Variants in SMARCA5 observed in about 807,000 individuals in gnomAD.
SMARCA5 encodes SNF2 related chromatin remodeling ATPase 5.
SMARCA5 carries 18 observed loss-of-function variants against 140.4 expected under a neutral mutation model. The observed-to-expected ratio is 0.13, with a 90% CI of 0.09 to 0.19. The LOEUF is 0.19. SMARCA5 is among the 10% of genes least tolerant of loss of function. The pLI, the probability that SMARCA5 is intolerant of heterozygous loss-of-function variation, is 1.00. For missense variants in SMARCA5, 606 were observed against 1,276.8 expected (o/e 0.47, Z 8.01); for synonymous variants, 449 against 419.6 (o/e 1.07, Z -0.86).
intron 1 of SMARCA5, among the ~76,000 whole-genome samples, chr4:143,515,210 T>G (rs527596230): frequency 6.6e-6 from 1 of 152,320 alleles, no homozygotes; most frequent in South Asian, 2.1e-4. Flanking sequence ...CCATTGAGGC[T>G]TTTGGCACAG....
chr4:143,528,500 T>C, intron 7 of SMARCA5, 83 bp from the exon 8 acceptor site: 1 of 1,209,748 alleles, frequency 8.3e-7, no homozygotes, highest in Non-Finnish European at 1.2e-6. Context: ...TGTTGGGCAT[T>C]TGTGTTGGTT....
chr4:143,514,169 G>C, intron 1 of SMARCA5, 68 bp downstream of exon 1: 1 of 1,382,946 alleles, frequency 7.2e-7, no homozygotes, highest in South Asian at 1.5e-5. Context: ...TCGCCGGATC[G>C]TGGCGATCGG....
At chr4:143,549,538 T>G (rs989987620) in intron 22 of SMARCA5, among the ~76,000 whole-genome samples, 2 of 152,072 alleles carry the variant, frequency 1.3e-5, no homozygotes, top group Non-Finnish European at 2.9e-5. Flanking sequence ...TTGGGAAAGG[T>G]GCCATGTGAT....
At chr4:143,536,728 T>C in intron 11 of SMARCA5, 50 bp downstream of exon 11, 1 of 1,317,898 alleles carries the variant, frequency 7.6e-7, no homozygotes, top group Non-Finnish European at 1.1e-6. Flanking sequence ...AATGCTCATG[T>C]TAAAACAAAG....
intron 1 of SMARCA5, among the ~76,000 whole-genome samples, chr4:143,514,800 A>G (rs1396099544): frequency 6.6e-6 from 1 of 152,162 alleles, no homozygotes; most frequent in East Asian, 1.9e-4. Context: ...TGTAGGAATG[A>G]ATTAGAGAAC....
At chr4:143,539,538 T>A (rs1737386230) in intron 13 of SMARCA5, among the ~76,000 whole-genome samples, 1 of 34 alleles carries the variant, frequency 0.029, no homozygotes, top group Non-Finnish European at 0.12. Context: ...AGTCACTTTC[T>A]TTTTTTTTTT....
In SMARCA5 at chr4:143,517,411, T is replaced by C. The variant is rs1323268572; in HGVS notation, c.234T>C (p.Pro78=). 6.2e-7 allele frequency: 1 copy of C among 1,609,138 alleles called. No individual in the cohort carries two copies. The highest frequency in any genetic ancestry group is 8.5e-7 in the Non-Finnish European group (1 of 1,177,180). The part of the protein sequence containing the change: ...GKQKEIQEPD[P]TYEEKMQTDR... ...AAAAGGAAATCCAAGAACCAGATCC[T>C]ACCTATGAAGAAAAAATGGTATGTT... Residue 78 remains proline, a synonymous_variant, in exon 2 of 24, where the codon CCT becomes CCC. Coordinates refer to ENST00000283131, the MANE Select transcript of SMARCA5 (RefSeq NM_003601.4).
intron 23 of SMARCA5, among the ~76,000 whole-genome samples, chr4:143,552,858 T>C (rs758489608): frequency 1.1e-4 from 17 of 152,042 alleles, no homozygotes; most frequent in Non-Finnish European, 1.8e-4. Context: ...TTATTTGATA[T>C]TGATCTACTA....
chr4:143,544,727 C>A lies in SMARCA5; in HGVS notation c.2173-10C>A. 6.6e-7 allele frequency: 1 copy of A among 1,504,844 alleles called. No individual in the cohort carries two copies. The highest frequency in any genetic ancestry group is 9.2e-7 in the Non-Finnish European group (1 of 1,092,200). The allele number at this position is 1,504,844 out of a possible 1,614,324, so 93.2% of individuals were successfully genotyped here. A position where few individuals can be genotyped will look rare whatever the true frequency, so the allele number is the denominator to read the frequency against. ...AAAGTTGGTGATTTGAGTTGTTTCC[C>A]ATGTGCTAGATTGCATTCACAGAGT... is the stretch of plus-strand genomic sequence containing the variant. On this transcript the variant is annotated splice_polypyrimidine_tract_variant and intron_variant, in intron 16 of 23. Transcript: ENST00000283131.
At chr4:143,517,269 A>G in intron 1 of SMARCA5, 86 bp from the exon 2 acceptor site, 1 of 851,430 alleles carries the variant, frequency 1.2e-6, no homozygotes, top group Non-Finnish European at 1.8e-6. Context: ...GTATTATTTA[A>G]GATGTGTTTT....
At position 143,538,615 on chromosome 4, in the gene SMARCA5, A is replaced by G. The variant is rs1737363433; in HGVS notation, c.1521A>G (p.Gln507=). 1 of 1,612,548 alleles carries G rather than the reference A, an allele frequency of 6.2e-7. No individual in the cohort carries two copies. Among genetic ancestry groups the G allele is most frequent in the South Asian group, 1.1e-5 (1 of 91,028 alleles). The change falls in exon 12 of 24, where the codon CAA becomes CAG. Residue 507 remains glutamine, a synonymous_variant. Transcript: ENST00000283131. The part of the protein sequence containing the change: ...EQGSRVLIFS[Q]MTRVLDILED... ...GTTCACGAGTACTAATCTTCAGTCA[A>G]ATGACAAGGGTATTGGACATTTTGG...
At chr4:143,528,533 A>T in intron 7 of SMARCA5, 50 bp from the exon 8 acceptor site, 1 of 1,544,668 alleles carries the variant, frequency 6.5e-7, no homozygotes, top group Non-Finnish European at 8.8e-7. Context: ...TGTTGTAGAT[A>T]ATGCAATATG....
At chr4:143,550,328 G>T (rs1387206306) in intron 23 of SMARCA5, among the ~76,000 whole-genome samples, 1 of 141,280 alleles carries the variant, frequency 7.1e-6, no homozygotes, top group Admixed American at 7.4e-5. Context: ...ATTTTTAGTT[G>T]TTATGAGTAA....
At chr4:143,530,710 T>C (rs1737166242) in intron 9 of SMARCA5, among the ~76,000 whole-genome samples, 184 bp downstream of exon 9, 1 of 152,188 alleles carries the variant, frequency 6.6e-6, no homozygotes, top group Non-Finnish European at 1.5e-5. Flanking sequence ...GTTGTTTCAG[T>C]GTTAGAACCT....
chr4:143,518,332 G>A (rs754195999), intron 2 of SMARCA5, among the ~76,000 whole-genome samples: 5 of 152,108 alleles, frequency 3.3e-5, no homozygotes, highest in Non-Finnish European at 5.9e-5. Context: ...TGTTTACTCC[G>A]TATCTGACCC....
intron 10 of SMARCA5, among the ~76,000 whole-genome samples, chr4:143,535,431 G>A (rs567303181): frequency 1.1e-4 from 17 of 152,286 alleles, no homozygotes; most frequent in African/African-American, 4.1e-4. Context: ...CATATTTCAT[G>A]TATATTTAAC....
chr4:143,547,243 A>G (rs570398509), intron 20 of SMARCA5, 142 bp from the exon 21 acceptor site: 6 of 577,392 alleles, frequency 1.0e-5, no homozygotes, highest in African/African-American at 9.5e-5. Context: ...TTAGGTTAAC[A>G]TGTGAGGGTA....
At chr4:143,540,223 C>G (rs930492981) in intron 13 of SMARCA5, 140 bp from the exon 14 acceptor site, 6 of 544,872 alleles carry the variant, frequency 1.1e-5, no homozygotes, top group East Asian at 3.2e-5. Flanking sequence ...TCATCTGATT[C>G]CTTACAGATG....
rs1035160829 is a variant in SMARCA5, at chr4:143,556,161, C to T, written c.*2977C>T. ...AAGTATAATGCAAGTATTCTAAAGT[C>T]TGGAAAATGCTAAAAACACTTCTGG... On this transcript the variant is annotated 3_prime_UTR_variant, in exon 24 of 24. Transcript: ENST00000283131. 6.6e-6 allele frequency: 1 copy of T among 152,164 alleles called. No individual in the cohort carries two copies. The highest frequency in any genetic ancestry group is 2.1e-4 in the South Asian group (1 of 4,824). 9.4% of individuals were successfully genotyped at this position (152,164 alleles called of 1,614,324 possible).
Sources: allele counts gnomAD v4.1 joint callset (sites outside exome capture counted in the v4.1 genomes callset), GRCh38; gene constraint gnomAD v4.1.1; transcripts MANE v1.5; gene names NCBI Gene and HGNC (gene_info 2026-07-23, HGNC 2026-07-21).